ASAP1: variants seen among roughly 807,000 people sequenced by gnomAD.
ASAP1 encodes ArfGAP with SH3 domain, ankyrin repeat and PH domain 1, also known as arf-GAP with SH3 domain, ANK repeat and PH domain-containing protein 1.
A neutral mutation model predicts 145.2 loss-of-function variants in ASAP1; 43 were observed. The ratio of observed to expected loss-of-function variants is 0.30; its 90% confidence interval spans 0.23 to 0.38. The LOEUF is 0.38. Among genes scored for constraint, ASAP1 ranks in the 10% least tolerant of loss-of-function variants. ASAP1 has a pLI of 1.00. For missense variants in ASAP1, 1,018 were observed against 1,355.3 expected (o/e 0.75, Z 3.91); for synonymous variants, 546 against 515.5 (o/e 1.06, Z -0.80).
At chr8:130,330,640 A>T (rs1397900836) in intron 3 of ASAP1, among the ~76,000 whole-genome samples, 1 of 152,236 alleles carries the variant, frequency 6.6e-6, no homozygotes, top group Non-Finnish European at 1.5e-5. Context: ...TAAGGTTTAT[A>T]TTGCCAAAGG....
chr8:130,218,546 T>C (rs1817076953), intron 4 of ASAP1, among the ~76,000 whole-genome samples: 1 of 152,142 alleles, frequency 6.6e-6, no homozygotes, highest in Non-Finnish European at 1.5e-5. Context: ...AAGCTCTCCA[T>C]CTATCTGTGA....
At chr8:130,219,029 G>C (rs1407925105) in intron 4 of ASAP1, among the ~76,000 whole-genome samples, 1 of 151,984 alleles carries the variant, frequency 6.6e-6, no homozygotes, top group Non-Finnish European at 1.5e-5. Context: ...ATAATCCTAT[G>C]AAAATAGAAT....
At chr8:130,322,280 A>G (rs927476720) in intron 3 of ASAP1, among the ~76,000 whole-genome samples, 1 of 150,256 alleles carries the variant, frequency 6.7e-6, no homozygotes, top group African/African-American at 2.5e-5. Flanking sequence ...CTCTCTGGAG[A>G]TGAATTTTAT....
chr8:130,054,495 T>C lies in ASAP1; in HGVS notation c.*236A>G, dbSNP rs1340531709. ...AGCATAGAGAGATGTAAGTGCTAGA[T>C]GCCAAGGATGGCTTTGGCAAACCAG... is the stretch of plus-strand genomic sequence containing the variant. On this transcript the variant is annotated 3_prime_UTR_variant, in exon 30 of 30. Transcript: ENST00000518721. The C allele has an allele frequency of 2.3e-6, 1 of 440,916 alleles. No individual in the cohort carries two copies. The highest frequency in any genetic ancestry group is 2.0e-5 in the African/African-American group (1 of 50,180). 27.3% of individuals were successfully genotyped at this position (440,916 alleles called of 1,614,324 possible).
intron 24 of ASAP1, among the ~76,000 whole-genome samples, chr8:130,094,511 AT>A (rs200922168): frequency 1.2e-4 from 18 of 152,168 alleles, no homozygotes; most frequent in African/African-American, 4.3e-4. Flanking sequence ...CCTAGTCTAA[AT>A]TTAAAAAAAA....
chr8:130,412,162 A>T (rs1829295497), intron 1 of ASAP1, among the ~76,000 whole-genome samples: 1 of 152,188 alleles, frequency 6.6e-6, no homozygotes, highest in African/African-American at 2.4e-5. Flanking sequence ...CAGGATAAAT[A>T]ACAATTTTAA....
chr8:130,206,845 G>A (rs1816256136), intron 5 of ASAP1, among the ~76,000 whole-genome samples: 4 of 151,760 alleles, frequency 2.6e-5, no homozygotes, highest in Admixed American at 2.6e-4. Context: ...CCATTTTGCG[G>A]TTTTGGTATT....
In ASAP1 at chr8:130,168,939, G is replaced by A. The variant is rs1414916987; in HGVS notation, c.822+53C>T. ...TTCTAATACAGATTTCAAATTTACT[G>A]AAACTTATCCATGAAAGCAAGTTAA... On this transcript the variant is annotated intron_variant, in intron 10 of 29. Coordinates refer to ENST00000518721, the MANE Select transcript of ASAP1 (RefSeq NM_018482.4). The A allele has an allele frequency of 1.3e-5, 14 of 1,096,128 alleles. No homozygotes were observed. The Admixed American group carries it at 3.1e-4, about 25-fold the overall frequency. 67.9% of individuals were successfully genotyped at this position (1,096,128 alleles called of 1,614,324 possible).
chr8:130,433,181 T>C (rs972765301), intron 1 of ASAP1, among the ~76,000 whole-genome samples: 1 of 152,204 alleles, frequency 6.6e-6, no homozygotes, highest in Non-Finnish European at 1.5e-5. Flanking sequence ...AGTGGAGGCA[T>C]AGGAAGTAGC....
chr8:130,147,051 C>A (rs1487332080), intron 13 of ASAP1, among the ~76,000 whole-genome samples: 1 of 151,788 alleles, frequency 6.6e-6, no homozygotes, highest in Non-Finnish European at 1.5e-5. Context: ...CATGGTGAAA[C>A]CCCGTCTCTA....
intron 25 of ASAP1, among the ~76,000 whole-genome samples, chr8:130,081,946 T>C (rs1296760045): frequency 1.3e-5 from 2 of 152,228 alleles, no homozygotes; most frequent in African/African-American, 4.8e-5. Flanking sequence ...ATTTTATATA[T>C]GAAGAAGCAC....
At chr8:130,172,406 C>T (rs1056221585) in intron 9 of ASAP1, among the ~76,000 whole-genome samples, 3 of 152,108 alleles carry the variant, frequency 2.0e-5, no homozygotes, top group African/African-American at 7.2e-5. Flanking sequence ...CCAAAAACCA[C>T]CTGTACTCCA....
intron 3 of ASAP1, among the ~76,000 whole-genome samples, chr8:130,312,805 G>C (rs1175913566): frequency 6.6e-6 from 1 of 152,142 alleles, no homozygotes; most frequent in Non-Finnish European, 1.5e-5. Flanking sequence ...TAGTTGCTTA[G>C]CTTGTTCTAC....
chr8:130,237,526 T>C (rs115376712), intron 3 of ASAP1, among the ~76,000 whole-genome samples: 1,694 of 152,196 alleles, frequency 0.011, 27 homozygotes, highest in African/African-American at 0.039. Flanking sequence ...TTATGACATA[T>C]GGCAGTTGAA....
At chr8:130,409,326 G>A (rs1048756296) in intron 1 of ASAP1, among the ~76,000 whole-genome samples, 1 of 152,032 alleles carries the variant, frequency 6.6e-6, no homozygotes, top group Non-Finnish European at 1.5e-5. Context: ...GAGACCATTT[G>A]AATTGGTCGT....
At chr8:130,056,244 C>T (rs1437354043) in intron 29 of ASAP1, among the ~76,000 whole-genome samples, 4 of 152,182 alleles carry the variant, frequency 2.6e-5, no homozygotes, top group African/African-American at 4.8e-5. Flanking sequence ...AACTGATTCA[C>T]GTGGGGGGGC....
At chr8:130,168,421 G>A (rs1459251083) in intron 10 of ASAP1, among the ~76,000 whole-genome samples, 5 of 152,142 alleles carry the variant, frequency 3.3e-5, no homozygotes, top group Non-Finnish European at 5.9e-5. Context: ...AAGGCGGGTG[G>A]ATCACTTGAG....
At chr8:130,107,912 G>C (rs2097540339) in intron 24 of ASAP1, among the ~76,000 whole-genome samples, 1 of 152,210 alleles carries the variant, frequency 6.6e-6, no homozygotes, top group Non-Finnish European at 1.5e-5. Flanking sequence ...GGTGATGCTG[G>C]AAAGGCTTCT....
At chr8:130,103,243 G>A (rs2097531732) in intron 24 of ASAP1, among the ~76,000 whole-genome samples, 1 of 151,436 alleles carries the variant, frequency 6.6e-6, no homozygotes, top group African/African-American at 2.4e-5. Context: ...TTGTATTTTT[G>A]TGGTATCAGC....
Sources: gnomAD v4.1 joint callset for allele counts (sites outside exome capture counted in the v4.1 genomes callset) on GRCh38, gnomAD v4.1.1 for gene constraint, MANE v1.5 for transcripts, NCBI Gene and HGNC (gene_info 2026-07-23, HGNC 2026-07-21) for gene names.